Variants in RAD51B observed in about 807,000 individuals in gnomAD.
RAD51B encodes RAD51 paralog B.
RAD51B carries 38 observed loss-of-function variants against 42.2 expected under a neutral mutation model. The observed-to-expected ratio is 0.90, with a 90% CI of 0.70 to 1.18. The LOEUF is 1.18. Among genes scored for constraint, RAD51B ranks in the 50% most tolerant of loss-of-function variants. The pLI is 0.00. For synonymous variants in RAD51B, 154 were observed against 145.2 expected (o/e 1.06, Z -0.43); for missense variants, 373 against 400.7 (o/e 0.93, Z 0.59).
intron 7 of RAD51B, among the ~76,000 whole-genome samples, chr14:68,160,017 G>A (rs1221683108): frequency 1.3e-5 from 2 of 151,746 alleles, no homozygotes; most frequent in Admixed American, 6.6e-5. Context: ...ACAATCAAAC[G>A]GCATTTGAAA....
At chr14:68,273,408 T>C (rs1291976320) in intron 7 of RAD51B, among the ~76,000 whole-genome samples, 2 of 152,222 alleles carry the variant, frequency 1.3e-5, no homozygotes, top group Non-Finnish European at 2.9e-5. Flanking sequence ...AAATTATTGA[T>C]CCTACAGTGT....
At chr14:67,892,785 A>G (rs970314049) in intron 7 of RAD51B, among the ~76,000 whole-genome samples, 3 of 152,230 alleles carry the variant, frequency 2.0e-5, no homozygotes, top group African/African-American at 7.2e-5. Context: ...CTGACCCTCA[A>G]TAGAAATGCT....
chr14:68,302,108 C>T (rs1040973597), intron 8 of RAD51B, among the ~76,000 whole-genome samples: 9 of 152,188 alleles, frequency 5.9e-5, no homozygotes, highest in Non-Finnish European at 1.0e-4. Context: ...AATCTCCCAC[C>T]TTCACACAAG....
intron 7 of RAD51B, among the ~76,000 whole-genome samples, chr14:68,198,530 T>A (rs1031802130): frequency 6.6e-6 from 1 of 152,194 alleles, no homozygotes; most frequent in African/African-American, 2.4e-5. Flanking sequence ...TCAGGGTGAA[T>A]TGACATCTTT....
intron 11 of RAD51B, among the ~76,000 whole-genome samples, chr14:68,682,306 G>T (rs1893448704): frequency 6.6e-6 from 1 of 152,050 alleles, no homozygotes; most frequent in African/African-American, 2.4e-5. Flanking sequence ...CCATCCATAG[G>T]CCAGACACCT....
At chr14:68,147,731 A>C (rs897750065) in intron 7 of RAD51B, among the ~76,000 whole-genome samples, 2 of 151,988 alleles carry the variant, frequency 1.3e-5, no homozygotes, top group Admixed American at 6.6e-5. Flanking sequence ...TTACGGAAGG[A>C]GATTACAACA....
chr14:68,480,229 T>C (rs113092106), downstream of RAD51B, among the ~76,000 whole-genome samples: 23,826 of 152,000 alleles, frequency 0.16, 2,471 homozygotes, highest in Non-Finnish European at 0.23. Flanking sequence ...TGTGCCACCA[T>C]GCCCGGTTAA....
chr14:68,347,693 G>T (rs919251763), intron 8 of RAD51B, among the ~76,000 whole-genome samples: 2 of 152,084 alleles, frequency 1.3e-5, no homozygotes, highest in Admixed American at 6.6e-5. Flanking sequence ...AATAAATAAA[G>T]AAACAGGCCC....
rs1178367155 is a variant in RAD51B, at chr14:67,921,566, A to ATC, written c.756+34363_756+34364dup. Among the ~76,000 whole-genome samples, 41 of 114,926 alleles carry ATC rather than the reference A, an allele frequency of 3.6e-4. 1 individual carries two copies. The highest frequency in any genetic ancestry group is 1.4e-3 in the African/African-American group (40 of 28,954). The allele number at this position is 114,926 out of a possible 152,430, so 75.4% of individuals were successfully genotyped here. On this transcript the variant is annotated intron_variant, in intron 7 of 10. Transcript: ENST00000471583. ...CCTATGTGCATGTACATATGTGCAC[A>ATC]TCACACACACACACACACACACACA...
intron 10 of RAD51B, among the ~76,000 whole-genome samples, chr14:68,568,271 G>A (rs1382158802): frequency 6.6e-6 from 1 of 152,228 alleles, no homozygotes; most frequent in Non-Finnish European, 1.5e-5. Flanking sequence ...TGTGTAGCCT[G>A]AAGGATTCAT....
At chr14:68,454,738 A>C (rs2085642217) in intron 9 of RAD51B, among the ~76,000 whole-genome samples, 1 of 152,246 alleles carries the variant, frequency 6.6e-6, no homozygotes, top group South Asian at 2.1e-4. Flanking sequence ...CACTATCCAC[A>C]GAGCATTTGT....
intron 7 of RAD51B, among the ~76,000 whole-genome samples, chr14:67,989,582 C>T (rs1251431171): frequency 1.4e-5 from 2 of 140,712 alleles, no homozygotes; most frequent in African/African-American, 5.6e-5. Flanking sequence ...TTGTGGTGAC[C>T]CAAGATCATG....
At chr14:67,820,186 T>C (rs570403108) in intron 1 of RAD51B, among the ~76,000 whole-genome samples, 35 of 152,250 alleles carry the variant, frequency 2.3e-4, no homozygotes, top group South Asian at 2.1e-4. Flanking sequence ...TTAGGGGAAG[T>C]TGAGGGACTC....
intron 4 of RAD51B, among the ~76,000 whole-genome samples, chr14:67,838,217 T>A (rs933635633): frequency 5.3e-5 from 8 of 152,212 alleles, no homozygotes; most frequent in African/African-American, 1.9e-4. Context: ...TGATTCCATC[T>A]CTTGGGTACT....
At chr14:68,260,358 T>C (rs899729450) in intron 7 of RAD51B, among the ~76,000 whole-genome samples, 1 of 98,364 alleles carries the variant, frequency 1.0e-5, no homozygotes, top group Non-Finnish European at 1.9e-5. Flanking sequence ...AGTAGGGGAG[T>C]AATTACCTCA....
intron 8 of RAD51B, among the ~76,000 whole-genome samples, chr14:68,320,463 T>C (rs1053818078): frequency 1.3e-5 from 2 of 152,264 alleles, no homozygotes; most frequent in African/African-American, 4.8e-5. Context: ...CTAACAGCTT[T>C]GAGATGAGCT....
At chr14:67,918,961 T>C (rs2044240494) in intron 7 of RAD51B, among the ~76,000 whole-genome samples, 1 of 152,112 alleles carries the variant, frequency 6.6e-6, no homozygotes, top group African/African-American at 2.4e-5. Flanking sequence ...AAATGGGGAA[T>C]GTAACACTGG....
intron 10 of RAD51B, among the ~76,000 whole-genome samples, chr14:68,490,380 G>A (rs1408538070): frequency 6.6e-6 from 1 of 152,172 alleles, no homozygotes; most frequent in Admixed American, 6.5e-5. Flanking sequence ...TCTGAGAGAA[G>A]TCTGATAAAA....
chr14:67,900,846 G>T (rs904560542), intron 7 of RAD51B, among the ~76,000 whole-genome samples: 2 of 151,864 alleles, frequency 1.3e-5, no homozygotes, highest in African/African-American at 4.8e-5. Flanking sequence ...TTACTTTTTT[G>T]TTCTGTATGA....
Sources: allele counts gnomAD v4.1 joint callset (sites outside exome capture counted in the v4.1 genomes callset), GRCh38; gene constraint gnomAD v4.1.1; transcripts MANE v1.5; gene names NCBI Gene and HGNC (gene_info 2026-07-23, HGNC 2026-07-21).